Variants in TRIM14 observed in about 807,000 individuals in gnomAD.
TRIM14 encodes the protein tripartite motif containing 14, also known as tripartite motif-containing protein 14.
A neutral mutation model predicts 44.5 loss-of-function variants in TRIM14; 28 were observed. The observed-to-expected ratio is 0.63, with a 90% confidence interval of 0.47 to 0.86. The LOEUF (loss-of-function observed/expected upper bound fraction) is 0.86. Among genes scored for constraint, TRIM14 ranks in the 40% least tolerant of loss-of-function variants. The pLI is 0.00. For synonymous variants in TRIM14, 299 were observed against 269.2 expected, an observed-to-expected ratio of 1.11 and a Z score of -1.08; for missense variants, 607 against 611.1, an observed-to-expected ratio of 0.99 and a Z score of 0.07.
chr9:98,060,931 G>C, the TRIM14 span: 2 of 1,614,218 alleles, frequency 1.2e-6, no homozygotes, highest in African/African-American at 2.7e-5. Flanking sequence ...GCCATGACCA[G>C]TACAGGGAGC....
intron 6 of TRIM14, chr9:98,078,210 T>G: frequency 2.5e-6 from 4 of 1,614,196 alleles, no homozygotes; most frequent in Non-Finnish European, 3.4e-6. Flanking sequence ...AATGGTGATC[T>G]CCAGTGGGAT....
chr9:98,050,948 A>G, the TRIM14 span, among the ~76,000 whole-genome samples: 2 of 151,948 alleles, frequency 1.3e-5, no homozygotes, highest in African/African-American at 4.8e-5. Flanking sequence ...TAATTTTTGT[A>G]TTTTTAGTAG....
downstream of TRIM14, chr9:98,081,138 C>T (rs1482335670): frequency 1.4e-5 from 22 of 1,600,018 alleles, no homozygotes; most frequent in Non-Finnish European, 1.8e-5. Context: ...AAAGGATAGG[C>T]TGGCCTGAGA....
At chr9:98,105,068 G>A (rs1268927144) in intron 2 of TRIM14, among the ~76,000 whole-genome samples, 1 of 152,222 alleles carries the variant, frequency 6.6e-6, no homozygotes, top group African/African-American at 2.4e-5. Context: ...CAGTGGCCTT[G>A]TCAGCAGCAT....
rs1266814917 is a variant in TRIM14, at chr9:98,087,488, G to A, written c.1311C>T (p.Ser437=). ...CTGGCCCCTAGGGCAGCCGGGGGATGCTGATGGCCCCCTCCCAGAGCCGCA... is the reference window on the plus strand; with the variant it reads ...CTGGCCCCTAGGGCAGCCGGGGGATACTGATGGCCCCCTCCCAGAGCCGCA... ...PALRLWEGAI[S]IPRLP The change falls in exon 6 of 6, where the codon AGC becomes AGT. Residue 437 remains serine (S), a synonymous_variant. Coordinates refer to ENST00000341469, the MANE Select transcript of TRIM14 (RefSeq NM_014788.4). 6.2e-6 allele frequency: 10 copies of A among 1,602,616 alleles called. No homozygotes were observed. The highest frequency in any genetic ancestry group is 8.5e-6 in the Non-Finnish European group (10 of 1,174,272).
At chr9:98,041,456 A>G in the TRIM14 span, among the ~76,000 whole-genome samples, 4 of 151,606 alleles carry the variant, frequency 2.6e-5, no homozygotes, top group Non-Finnish European at 5.9e-5. Flanking sequence ...AAGTGCTGGG[A>G]TTACAGGCAT....
chr9:98,065,361 G>A (rs1350360475), downstream of TRIM14, among the ~76,000 whole-genome samples: 1 of 137,502 alleles, frequency 7.3e-6, no homozygotes, highest in African/African-American at 2.9e-5. Context: ...TGCCCAGGCT[G>A]GAGTGCAATC....
intron 5 of TRIM14, among the ~76,000 whole-genome samples, chr9:98,089,924 T>C (rs1410152439): frequency 3.3e-5 from 5 of 152,230 alleles, no homozygotes; most frequent in South Asian, 4.1e-4. Context: ...ACTTTCTTTA[T>C]ACCAGACCTC....
downstream of TRIM14, chr9:98,081,017 G>A: frequency 1.9e-6 from 3 of 1,614,218 alleles, no homozygotes; most frequent in Non-Finnish European, 2.5e-6. Flanking sequence ...AGTGCGTCTT[G>A]TGGAGCGTGC....
At chr9:98,080,903 G>A (rs754447054), downstream of TRIM14, 67 of 1,614,062 alleles carry the variant, frequency 4.2e-5, no homozygotes, top group Non-Finnish European at 5.7e-5. Flanking sequence ...AGTGGCTCTG[G>A]GGGCCAAGGT....
intron 2 of TRIM14, among the ~76,000 whole-genome samples, chr9:98,103,560 T>G (rs62575602): frequency 0.05 from 7,544 of 152,090 alleles, 210 homozygotes; most frequent in African/African-American, 0.061. Flanking sequence ...ACACTAAAGC[T>G]GGGCACGGTG....
chr9:98,115,649 G>T (rs958402780), intron 1 of TRIM14, among the ~76,000 whole-genome samples: 2 of 152,118 alleles, frequency 1.3e-5, no homozygotes, highest in African/African-American at 4.8e-5. Context: ...CTCCCAAAGT[G>T]CTGGGTTTAC....
In TRIM14 at chr9:98,109,946, C is replaced by A; in HGVS notation, c.246G>T (p.Lys82Asn). Residue 82 changes from lysine (K) to asparagine (N), a missense_variant, in exon 2 of 6, where the codon AAG becomes AAT. By Grantham distance (94) the Lys-to-Asn change is moderately conservative. Around this residue, in one of 3 missense-constraint regions of TRIM14, gnomAD observed 246 missense variants for 270.8 expected, o/e 0.91. Transcript: ENST00000341469. Reference protein sequence around the residue: ...SQECLKQLAIKKQQHIDNITQ... With the variant: ...SQECLKQLAINKQQHIDNITQ... ...TTATGTTGTCAATGTGCTGCTGCTTCTTGATTGCCAGCTGCTTTAAACATT... is the reference window on the plus strand; with the variant it reads ...TTATGTTGTCAATGTGCTGCTGCTTATTGATTGCCAGCTGCTTTAAACATT... 6.2e-7 allele frequency: 1 copy of A among 1,613,950 alleles called. No individual in the cohort carries two copies. The highest frequency in any genetic ancestry group is 8.5e-7 in the Non-Finnish European group (1 of 1,179,964).
chr9:98,063,191 G>A, the TRIM14 span, among the ~76,000 whole-genome samples: 15 of 151,748 alleles, frequency 9.9e-5, no homozygotes, highest in Admixed American at 9.9e-4. Flanking sequence ...GCCTCCCAAA[G>A]GTCTGGGGAT....
the TRIM14 span, among the ~76,000 whole-genome samples, chr9:98,042,740 C>T: frequency 2.3e-4 from 35 of 151,896 alleles, no homozygotes; most frequent in African/African-American, 6.0e-4. Context: ...CATGGTGGTG[C>T]GCACCTGTAG....
chr9:98,053,473 T>C, the TRIM14 span, among the ~76,000 whole-genome samples: 1 of 152,190 alleles, frequency 6.6e-6, no homozygotes, highest in African/African-American at 2.4e-5. Context: ...CTTATATGGC[T>C]CCTAAGTCCA....
intron 5 of TRIM14, among the ~76,000 whole-genome samples, chr9:98,088,356 CTTT>C (rs936223047): frequency 2.2e-5 from 3 of 137,360 alleles, no homozygotes; most frequent in Non-Finnish European, 3.1e-5. Context: ...TTTTCTTTTT[CTTT>C]TTTTTCTTTT....
intron 3 of TRIM14, 152 bp downstream of exon 3, chr9:98,099,779 A>G (rs1826320058): frequency 1.5e-6 from 1 of 652,224 alleles, no homozygotes; most frequent in East Asian, 2.7e-5. Context: ...TATTCTCTTG[A>G]CCACCTGTGT....
At chr9:98,100,659 C>T (rs756743498) in intron 2 of TRIM14, among the ~76,000 whole-genome samples, 1 of 152,084 alleles carries the variant, frequency 6.6e-6, no homozygotes, top group Non-Finnish European at 1.5e-5. Context: ...AATAAATCTA[C>T]AGGATCTAAA....
Sources: gnomAD v4.1 joint callset for allele counts (sites outside exome capture counted in the v4.1 genomes callset) on GRCh38, gnomAD v4.1.1 for gene constraint, gnomAD v4.1.1 regional missense constraint, MANE v1.5 for transcripts, NCBI Gene and HGNC (gene_info 2026-07-23, HGNC 2026-07-21) for gene names.